The following BEND7 variants were observed in gnomAD, a reference collection of about 807,000 sequenced individuals.
BEND7 encodes BEN domain containing 7.
Under a neutral mutation model 50.9 loss-of-function variants are expected in BEND7, and 28 were observed. That is an observed-to-expected ratio of 0.55 (90% CI 0.41 to 0.75). The LOEUF (loss-of-function observed/expected upper bound fraction) is 0.75. BEND7 is among the 30% of genes least tolerant of loss of function. The pLI is 0.00. For missense variants in BEND7, 477 were observed against 491.3 expected, an observed-to-expected ratio of 0.97 and a Z score of 0.28; for synonymous variants, 170 against 183.9, an observed-to-expected ratio of 0.92 and a Z score of 0.61.
chr10:13,500,133 G>T, intron 2 of BEND7, 53 bp from the exon 3 acceptor site: 1 of 1,346,900 alleles, frequency 7.4e-7, no homozygotes, highest in Non-Finnish European at 1.0e-6. Flanking sequence ...AGAGAAAACA[G>T]TTCACTAACC....
intron 2 of BEND7, among the ~76,000 whole-genome samples, chr10:13,509,168 T>C (rs1348217168): frequency 6.6e-6 from 1 of 152,178 alleles, no homozygotes; most frequent in African/African-American, 2.4e-5. Context: ...GGAGAGTAAG[T>C]ATCTATGAGA....
intron 2 of BEND7, among the ~76,000 whole-genome samples, chr10:13,517,436 C>T (rs780365359): frequency 6.6e-6 from 1 of 152,092 alleles, no homozygotes; most frequent in Non-Finnish European, 1.5e-5. Flanking sequence ...AGGGTCTCAG[C>T]TGTCATGCTA....
At chr10:13,465,332 A>AG (rs2074124792) in intron 6 of BEND7, among the ~76,000 whole-genome samples, 1 of 152,230 alleles carries the variant, frequency 6.6e-6, no homozygotes, top group Admixed American at 6.5e-5. Context: ...AAGGAAATAA[A>AG]GTATTGCAGA....
chr10:13,526,226 C>A lies in BEND7; in HGVS notation c.62-5G>T. ...TATACACCTCGTGGTGATAATCTGGCATGAGAAAACAACCAAAAATTAGAA... is the reference window on the plus strand; with the variant it reads ...TATACACCTCGTGGTGATAATCTGGAATGAGAAAACAACCAAAAATTAGAA... On this transcript the variant is annotated splice_polypyrimidine_tract_variant and splice_region_variant and intron_variant, in intron 1 of 8. Transcript: ENST00000466271. 7.8e-7 allele frequency: 1 copy of A among 1,283,732 alleles called. No individual in the cohort carries two copies. Among genetic ancestry groups the A allele is most frequent in the Non-Finnish European group, 1.0e-6 (1 of 985,820 alleles). The allele number at this position is 1,283,732 out of a possible 1,614,324, so 79.5% of individuals were successfully genotyped here. A position where few individuals can be genotyped will look rare whatever the true frequency, so the allele number is the denominator to read the frequency against.
chr10:13,499,187 C>G (rs2077255913), intron 3 of BEND7, among the ~76,000 whole-genome samples: 1 of 152,102 alleles, frequency 6.6e-6, no homozygotes, highest in African/African-American at 2.4e-5. Flanking sequence ...TCATTTGATT[C>G]TTTTCTTAAC....
chr10:13,516,913 G>A (rs570898683), intron 2 of BEND7, among the ~76,000 whole-genome samples: 8 of 152,112 alleles, frequency 5.3e-5, no homozygotes, highest in Non-Finnish European at 1.0e-4. Context: ...AAGTGTTTAA[G>A]TAAAAGACTG....
chr10:13,486,027 G>A (rs961425909), intron 5 of BEND7, among the ~76,000 whole-genome samples: 2 of 152,084 alleles, frequency 1.3e-5, no homozygotes, highest in Non-Finnish European at 2.9e-5. Flanking sequence ...GGCTACAAGT[G>A]CGTGGCCAGT....
chr10:13,480,791 G>A, intron 6 of BEND7, 108 bp downstream of exon 6: 1 of 1,529,882 alleles, frequency 6.5e-7, no homozygotes, highest in Non-Finnish European at 8.8e-7. Context: ...ATTGGCAATG[G>A]CAAATGAAAC....
intron 7 of BEND7, among the ~76,000 whole-genome samples, chr10:13,451,500 A>G (rs1388258041): frequency 6.6e-6 from 1 of 151,868 alleles, no homozygotes; most frequent in African/African-American, 2.4e-5. Context: ...CAGCCTCCCA[A>G]CTATTTTTAA....
At chr10:13,457,203 G>A (rs999641472) in intron 6 of BEND7, among the ~76,000 whole-genome samples, 16 of 152,190 alleles carry the variant, frequency 1.1e-4, no homozygotes, top group African/African-American at 3.1e-4. Context: ...AATTAACAAA[G>A]TGGATTTGGA....
intron 5 of BEND7, 134 bp downstream of exon 5, chr10:13,492,477 A>AC (rs2076732927): frequency 2.6e-6 from 3 of 1,143,966 alleles, no homozygotes; most frequent in Non-Finnish European, 3.7e-6. Context: ...GAAAATTATT[A>AC]CCAGTCTTCT....
intron 5 of BEND7, among the ~76,000 whole-genome samples, chr10:13,481,655 TA>T (rs2075869120): frequency 6.6e-6 from 1 of 152,214 alleles, no homozygotes; most frequent in Non-Finnish European, 1.5e-5. Context: ...GCTGCAGAGA[TA>T]TTTTTTTTCC....
intron 2 of BEND7, among the ~76,000 whole-genome samples, chr10:13,507,856 T>C (rs577574175): frequency 6.6e-6 from 1 of 152,322 alleles, no homozygotes; most frequent in East Asian, 1.9e-4. Flanking sequence ...TTAAAACTCC[T>C]TGCATTTTTT....
chr10:13,452,752 T>C, intron 6 of BEND7, 94 bp from the exon 7 acceptor site: 1 of 1,223,674 alleles, frequency 8.2e-7, no homozygotes, highest in Non-Finnish European at 1.1e-6. Context: ...AAAAAGTAGA[T>C]TTCTAAAGGA....
At chr10:13,492,551 C>T (rs762935589) in intron 5 of BEND7, 60 bp downstream of exon 5, 114 of 1,587,024 alleles carry the variant, frequency 7.2e-5, no homozygotes, top group Non-Finnish European at 9.5e-5. Flanking sequence ...TCTATAAATA[C>T]TATAAAATTC....
upstream of BEND7, among the ~76,000 whole-genome samples, chr10:13,529,591 TG>T (rs1415543764): frequency 6.6e-6 from 1 of 152,120 alleles, no homozygotes; most frequent in African/African-American, 2.4e-5. Flanking sequence ...TTGGTGGCCC[TG>T]GGGACTCTCA....
intron 6 of BEND7, among the ~76,000 whole-genome samples, chr10:13,475,826 G>T (rs1027795235): frequency 6.6e-6 from 1 of 152,170 alleles, no homozygotes; most frequent in South Asian, 2.1e-4. Context: ...AGTCAGACAG[G>T]CCTTGGGTGA....
chr10:13,452,392 A>C (rs1017464702), intron 7 of BEND7, 147 bp downstream of exon 7: 2 of 875,130 alleles, frequency 2.3e-6, no homozygotes, highest in Non-Finnish European at 3.3e-6. Flanking sequence ...TTTGAATAAG[A>C]CTTTAAGAGA....
At chr10:13,486,332 CATTT>C (rs2076221958) in intron 5 of BEND7, among the ~76,000 whole-genome samples, 1 of 152,194 alleles carries the variant, frequency 6.6e-6, no homozygotes, top group South Asian at 2.1e-4. Flanking sequence ...CTCAGCCTGT[CATTT>C]ATTAAATCCT....
Sources: gnomAD v4.1 joint callset for allele counts (sites outside exome capture counted in the v4.1 genomes callset) on GRCh38, gnomAD v4.1.1 for gene constraint, MANE v1.5 for transcripts, NCBI Gene and HGNC (gene_info 2026-07-23, HGNC 2026-07-21) for gene names.